SLC25A13: variants seen among roughly 807,000 people sequenced by gnomAD.
SLC25A13 encodes electrogenic aspartate/glutamate antiporter SLC25A13, mitochondrial.
Under a neutral mutation model 85.5 loss-of-function variants are expected in SLC25A13, and 70 were observed. The ratio of observed to expected loss-of-function variants is 0.82; its 90% CI spans 0.68 to 1.00. The LOEUF (loss-of-function observed/expected upper bound fraction) is 1.00, where lower values mean the gene tolerates loss of function less well. Among genes scored for constraint, SLC25A13 ranks in the 50% least tolerant of loss-of-function variants. The pLI is 0.00. For missense variants in SLC25A13, 765 were observed against 819.8 expected, an observed-to-expected ratio of 0.93 and a Z score of 0.82; for synonymous variants, 259 against 288.7, an observed-to-expected ratio of 0.90 and a Z score of 1.04.
At chr7:96,160,452 A>C (rs1343091888) in intron 13 of SLC25A13, among the ~76,000 whole-genome samples, 1 of 152,228 alleles carries the variant, frequency 6.6e-6, no homozygotes, top group Non-Finnish European at 1.5e-5. Flanking sequence ...TATAAACAAC[A>C]TAAATTCATT....
chr7:96,151,779 C>A (rs1338343485), intron 13 of SLC25A13, among the ~76,000 whole-genome samples: 4 of 151,470 alleles, frequency 2.6e-5, no homozygotes, highest in Non-Finnish European at 5.9e-5. Flanking sequence ...CCCATCTCTA[C>A]TAAAAATACA....
intron 5 of SLC25A13, among the ~76,000 whole-genome samples, chr7:96,205,761 CACAGA>C (rs1795435848): frequency 6.6e-6 from 1 of 152,094 alleles, no homozygotes; most frequent in Non-Finnish European, 1.5e-5. Flanking sequence ...ACAACCAAAG[CACAGA>C]AAAGGACATA....
intron 5 of SLC25A13, among the ~76,000 whole-genome samples, chr7:96,196,055 T>C (rs1795049848): frequency 6.6e-6 from 1 of 152,194 alleles, no homozygotes; most frequent in Non-Finnish European, 1.5e-5. Flanking sequence ...TAGTAGGTGC[T>C]CAATAAATGA....
At chr7:96,149,967 T>A (rs1792965786) in intron 13 of SLC25A13, among the ~76,000 whole-genome samples, 1 of 152,150 alleles carries the variant, frequency 6.6e-6, no homozygotes. Flanking sequence ...ATACTGTTTT[T>A]TTTGTGTGTG....
rs775803606 is a variant in SLC25A13, at chr7:96,189,387, G to C, written c.849-9C>G. 4 of 1,613,052 alleles carry C rather than the reference G, an allele frequency of 2.5e-6. No homozygotes were observed. In the South Asian group the frequency reaches 3.3e-5, roughly 13 times the overall value. On this transcript the variant is annotated splice_polypyrimidine_tract_variant and intron_variant, in intron 8 of 17. Transcript: ENST00000265631. ...CTGCTAAGGTCATACGTCTGTAGGGGAAAAACAAACACAAGCAACAAATAT... is the reference window on the plus strand; with the variant it reads ...CTGCTAAGGTCATACGTCTGTAGGGCAAAAACAAACACAAGCAACAAATAT...
At chr7:96,259,340 T>C (rs896624828) in intron 3 of SLC25A13, among the ~76,000 whole-genome samples, 1 of 152,140 alleles carries the variant, frequency 6.6e-6, no homozygotes, top group Non-Finnish European at 1.5e-5. Context: ...ATCCAGAATC[T>C]ACAAGGAACT....
intron 3 of SLC25A13, among the ~76,000 whole-genome samples, chr7:96,250,478 C>A (rs752448588): frequency 6.6e-6 from 1 of 152,186 alleles, no homozygotes; most frequent in Non-Finnish European, 1.5e-5. Flanking sequence ...TGAGCGAGGA[C>A]ATGCCGAATG....
At chr7:96,196,253 T>C (rs1391440821) in intron 5 of SLC25A13, among the ~76,000 whole-genome samples, 4 of 152,192 alleles carry the variant, frequency 2.6e-5, no homozygotes, top group Non-Finnish European at 4.4e-5. Flanking sequence ...ACAGTCTCCT[T>C]TGAATTACCA....
intron 1 of SLC25A13, among the ~76,000 whole-genome samples, chr7:96,305,502 C>G (rs1799711015): frequency 1.3e-5 from 2 of 152,170 alleles, no homozygotes; most frequent in Admixed American, 6.5e-5. Context: ...TAGGAACCAG[C>G]TGCAATTGTA....
chr7:96,201,779 T>C (rs901903928), intron 5 of SLC25A13, among the ~76,000 whole-genome samples: 1 of 152,144 alleles, frequency 6.6e-6, no homozygotes, highest in African/African-American at 2.4e-5. Flanking sequence ...TTTTGTTTGG[T>C]GGTGGTTGGG....
chr7:96,291,815 C>G (rs1248100182), intron 2 of SLC25A13, among the ~76,000 whole-genome samples: 2 of 152,140 alleles, frequency 1.3e-5, no homozygotes, highest in Non-Finnish European at 2.9e-5. Flanking sequence ...AAGTCCAGGA[C>G]CAGACAGATT....
intron 4 of SLC25A13, among the ~76,000 whole-genome samples, chr7:96,232,665 AC>A (rs1471600363): frequency 0.013 from 1,547 of 117,764 alleles, 25 homozygotes; most frequent in African/African-American, 0.043. Context: ...AAAAAAAAAA[AC>A]AGAAAATCTT....
chr7:96,146,532 T>C, intron 14 of SLC25A13, 24 bp downstream of exon 14: 1 of 1,599,222 alleles, frequency 6.3e-7, no homozygotes, highest in South Asian at 1.1e-5. Context: ...ATCAAATAAA[T>C]GACTAAAAAA....
chr7:96,182,760 A>T (rs983794180), intron 11 of SLC25A13, among the ~76,000 whole-genome samples: 7 of 152,334 alleles, frequency 4.6e-5, no homozygotes, highest in Non-Finnish European at 8.8e-5. Context: ...GACTCAAAAT[A>T]AAAAATCAAC....
chr7:96,131,202 G>A (rs1383463708), intron 15 of SLC25A13, among the ~76,000 whole-genome samples: 2 of 152,078 alleles, frequency 1.3e-5, no homozygotes, highest in Non-Finnish European at 2.9e-5. Context: ...TTTCAATGGA[G>A]CACTGAAAAA....
chr7:96,260,776 C>G (rs1797824661), intron 3 of SLC25A13, among the ~76,000 whole-genome samples: 1 of 152,090 alleles, frequency 6.6e-6, no homozygotes, highest in Non-Finnish European at 1.5e-5. Context: ...CTTGCCATCA[C>G]CTTTTACACA....
intron 1 of SLC25A13, among the ~76,000 whole-genome samples, chr7:96,308,107 C>T (rs1218931460): frequency 6.8e-6 from 1 of 147,720 alleles, no homozygotes; most frequent in Non-Finnish European, 1.5e-5. Flanking sequence ...GAGCCAAGAT[C>T]GTGCCACTGC....
chr7:96,313,832 A>G (rs1800035548), intron 1 of SLC25A13, among the ~76,000 whole-genome samples: 1 of 152,218 alleles, frequency 6.6e-6, no homozygotes, highest in Non-Finnish European at 1.5e-5. Context: ...TAGATTCAGA[A>G]AAAGTGAAAG....
intron 3 of SLC25A13, among the ~76,000 whole-genome samples, chr7:96,257,143 A>G (rs1287689413): frequency 6.6e-6 from 1 of 152,214 alleles, no homozygotes; most frequent in South Asian, 2.1e-4. Flanking sequence ...CTCCATCACA[A>G]TTAAAAGAAC....
Sources: gnomAD v4.1 joint callset for allele counts (sites outside exome capture counted in the v4.1 genomes callset) on GRCh38, gnomAD v4.1.1 for gene constraint, MANE v1.5 for transcripts, NCBI Gene and HGNC (gene_info 2026-07-23, HGNC 2026-07-21) for gene names.